The following ANAPC10 variants were observed in gnomAD, a reference collection of about 807,000 sequenced individuals.
ANAPC10 encodes anaphase-promoting complex subunit 10.
ANAPC10 carries 12 observed loss-of-function variants against 22.0 expected under a neutral mutation model. The observed-to-expected ratio is 0.55, with a 90% CI of 0.35 to 0.88. The LOEUF is 0.88. Among genes scored for constraint, ANAPC10 ranks in the 40% least tolerant of loss-of-function variants. ANAPC10 has a pLI of 0.01. For missense variants in ANAPC10, 188 were observed against 220.9 expected (o/e 0.85, Z 0.94); for synonymous variants, 65 against 69.5 (o/e 0.94, Z 0.32).
intron 4 of ANAPC10, among the ~76,000 whole-genome samples, chr4:145,015,503 G>A (rs1734979785): frequency 1.3e-5 from 2 of 152,004 alleles, no homozygotes; most frequent in South Asian, 2.1e-4. Context: ...TCTAAAAGCT[G>A]AAAAAACGTA....
At chr4:145,052,438 G>A (rs1245403502) in intron 4 of ANAPC10, among the ~76,000 whole-genome samples, 1 of 152,044 alleles carries the variant, frequency 6.6e-6, no homozygotes, top group East Asian at 1.9e-4. Context: ...AGCCTAACCA[G>A]TTTACAGAGG....
At chr4:145,047,387 C>T (rs1368475894) in intron 4 of ANAPC10, among the ~76,000 whole-genome samples, 2 of 152,058 alleles carry the variant, frequency 1.3e-5, no homozygotes, top group Non-Finnish European at 2.9e-5. Flanking sequence ...CGTTCAATGG[C>T]GAGTACAATA....
At chr4:145,035,957 T>G (rs1461167486) in intron 4 of ANAPC10, among the ~76,000 whole-genome samples, 1 of 152,110 alleles carries the variant, frequency 6.6e-6, no homozygotes, top group African/African-American at 2.4e-5. Context: ...CCAGAAAAAA[T>G]GTGGAACTGA....
At chr4:145,092,279 G>A (rs1747793511) in intron 2 of ANAPC10, among the ~76,000 whole-genome samples, 1 of 152,006 alleles carries the variant, frequency 6.6e-6, no homozygotes, top group Admixed American at 6.6e-5. Context: ...ATTTACCTAT[G>A]TCACAAACCT....
intron 4 of ANAPC10, 106 bp from the exon 5 acceptor site, chr4:144,995,709 C>A: frequency 1.3e-6 from 1 of 773,420 alleles, no homozygotes; most frequent in South Asian, 2.0e-5. Flanking sequence ...TTTTGCTCAA[C>A]GAAAGAATGA....
At chr4:145,040,906 C>G (rs1739411325) in intron 4 of ANAPC10, among the ~76,000 whole-genome samples, 1 of 152,132 alleles carries the variant, frequency 6.6e-6, no homozygotes, top group South Asian at 2.1e-4. Context: ...TCTCATAATA[C>G]TTATTGTTTT....
intron 3 of ANAPC10, among the ~76,000 whole-genome samples, chr4:145,067,661 G>A (rs1358163699): frequency 6.6e-6 from 1 of 152,170 alleles, no homozygotes; most frequent in African/African-American, 2.4e-5. Flanking sequence ...GTTTTATAAA[G>A]TTGATATTTT....
chr4:145,042,943 T>C (rs891127117), intron 4 of ANAPC10, among the ~76,000 whole-genome samples: 16 of 152,234 alleles, frequency 1.1e-4, no homozygotes, highest in African/African-American at 3.8e-4. Flanking sequence ...TAAAGTGTTT[T>C]TAATTCTTCT....
At chr4:145,071,124 T>C (rs1236287635) in intron 3 of ANAPC10, among the ~76,000 whole-genome samples, 1 of 152,196 alleles carries the variant, frequency 6.6e-6, no homozygotes, top group African/African-American at 2.4e-5. Flanking sequence ...TAAAAATGGC[T>C]GGCCAGGAAC....
intron 4 of ANAPC10, among the ~76,000 whole-genome samples, chr4:145,042,540 T>C (rs1579011100): frequency 6.6e-6 from 1 of 152,318 alleles, no homozygotes; most frequent in East Asian, 1.9e-4. Flanking sequence ...CATTTTTTCA[T>C]TATTTTATAG....
chr4:145,081,467 CATAAAAA>C (rs1315486406), intron 3 of ANAPC10, 186 bp downstream of exon 3: 1 of 430,722 alleles, frequency 2.3e-6, no homozygotes, highest in African/African-American at 2.0e-5. Context: ...TAAGAAAATT[CATAAAAA>C]ATAAGACAGA....
chr4:145,030,384 C>T (rs1197966877), intron 4 of ANAPC10, among the ~76,000 whole-genome samples: 1 of 152,160 alleles, frequency 6.6e-6, no homozygotes, highest in Non-Finnish European at 1.5e-5. Context: ...CCCATCCTTC[C>T]CCAAGAAGAC....
At chr4:145,068,239 C>A (rs1743995597) in intron 3 of ANAPC10, among the ~76,000 whole-genome samples, 1 of 152,142 alleles carries the variant, frequency 6.6e-6, no homozygotes, top group South Asian at 2.1e-4. Flanking sequence ...ATTAATACAG[C>A]ATTACTGTGT....
intron 3 of ANAPC10, among the ~76,000 whole-genome samples, chr4:145,070,734 A>C (rs967722802): frequency 6.6e-6 from 1 of 152,252 alleles, no homozygotes; most frequent in South Asian, 2.1e-4. Context: ...GCCGAAAGGT[A>C]GAAACAACCC....
rs528153136 is a variant in ANAPC10, at chr4:145,019,865, A to G, written c.328-24262T>C. Among the ~76,000 whole-genome samples, 3 of 152,116 alleles carry G rather than the reference A, an allele frequency of 2.0e-5. No individual in the cohort carries two copies. In the South Asian group the frequency reaches 6.2e-4, roughly 32 times the overall value. ...GACAGATAAATTCCTGGAGGTGTAC[A>G]CCCCTCCCAGCTTAAATCAGGAAGA... On this transcript the variant is annotated intron_variant, in intron 4 of 4. Transcript: ENST00000507656.
intron 3 of ANAPC10, among the ~76,000 whole-genome samples, chr4:145,076,439 G>A (rs560809979): frequency 2.1e-4 from 32 of 152,254 alleles, no homozygotes; most frequent in Admixed American, 3.3e-4. Context: ...AAGCAAAAAA[G>A]TCCCATCTAA....
intron 4 of ANAPC10, among the ~76,000 whole-genome samples, chr4:144,999,734 C>A (rs1037749974): frequency 6.6e-6 from 1 of 152,092 alleles, no homozygotes; most frequent in Non-Finnish European, 1.5e-5. Context: ...AAAAAGAGCC[C>A]GCATTGCCAA....
chr4:145,064,479 A>AT (rs1259922864), intron 4 of ANAPC10, 93 bp downstream of exon 4: 10 of 1,016,856 alleles, frequency 9.8e-6, no homozygotes, highest in Non-Finnish European at 1.3e-5. Context: ...ATATATTAAC[A>AT]TTTTAACCTG....
intron 4 of ANAPC10, among the ~76,000 whole-genome samples, chr4:145,001,535 G>T (rs1015754642): frequency 6.6e-6 from 1 of 152,148 alleles, no homozygotes; most frequent in South Asian, 2.1e-4. Context: ...ACGATGTATA[G>T]TTCTTAAATA....
Sources: gnomAD v4.1 joint callset for allele counts (sites outside exome capture counted in the v4.1 genomes callset) on GRCh38, gnomAD v4.1.1 for gene constraint, MANE v1.5 for transcripts, NCBI Gene and HGNC (gene_info 2026-07-23, HGNC 2026-07-21) for gene names.